The following CNTN5 variants were observed in gnomAD, a reference collection of about 807,000 sequenced individuals.
The protein encoded by CNTN5 is contactin-5.
Under a neutral mutation model 129.1 loss-of-function variants are expected in CNTN5, and 77 were observed. The ratio of observed to expected loss-of-function variants is 0.60; its 90% CI spans 0.50 to 0.72. The LOEUF (loss-of-function observed/expected upper bound fraction) is 0.72, where lower values mean the gene tolerates loss of function less well. Ranked by LOEUF, CNTN5 falls within the 30% of genes least tolerant of loss-of-function variation. The pLI is 0.00. For synonymous variants in CNTN5, 509 were observed against 465.6 expected, an observed-to-expected ratio of 1.09 and a Z score of -1.20; for missense variants, 1,478 against 1,328.8, an observed-to-expected ratio of 1.11 and a Z score of -1.75.
At chr11:99,795,654 CT>C (rs888745551) in intron 3 of CNTN5, among the ~76,000 whole-genome samples, 2 of 144,072 alleles carry the variant, frequency 1.4e-5, no homozygotes, top group South Asian at 4.5e-4. Flanking sequence ...CCCTTTGGAT[CT>C]TTTTTTAAAA....
rs533093979 is a variant in CNTN5 at position 99,871,150 on chromosome 11, G to A, written c.577+25888G>A. Among the ~76,000 whole-genome samples the A allele has an allele frequency of 2.6e-5, 4 of 152,114 alleles. No homozygotes were observed. In the South Asian group the frequency reaches 8.3e-4, roughly 31 times the overall value. ...TATTACTATTGTTGATCCCCTGAGA[G>A]TAGAACTAAGGGAAATATAATCACT... On this transcript the variant is annotated intron_variant, in intron 6 of 24. Transcript: ENST00000524871.
chr11:99,763,049 T>C (rs937094339), intron 3 of CNTN5, among the ~76,000 whole-genome samples: 2 of 152,150 alleles, frequency 1.3e-5, no homozygotes, highest in African/African-American at 4.8e-5. Flanking sequence ...TTGATCCATG[T>C]ATCACTGCTA....
intron 1 of CNTN5, among the ~76,000 whole-genome samples, chr11:99,050,984 CATA>C (rs1210902615): frequency 2.0e-5 from 3 of 151,832 alleles, no homozygotes; most frequent in Non-Finnish European, 4.4e-5. Context: ...TTAATATCAT[CATA>C]AGCATACATG....
chr11:99,782,857 C>A (rs953184503), intron 3 of CNTN5, among the ~76,000 whole-genome samples: 1 of 151,786 alleles, frequency 6.6e-6, no homozygotes, highest in Non-Finnish European at 1.5e-5. Flanking sequence ...AAACGTTAGA[C>A]CTAAAACCAC....
intron 1 of CNTN5, among the ~76,000 whole-genome samples, chr11:99,183,554 T>A (rs940590904): frequency 1.3e-5 from 2 of 152,124 alleles, no homozygotes; most frequent in African/African-American, 4.8e-5. Flanking sequence ...GTTTCTCTGG[T>A]GTTTCTCTTA....
At chr11:99,196,859 G>A (rs79246532) in intron 1 of CNTN5, among the ~76,000 whole-genome samples, 3,944 of 151,988 alleles carry the variant, frequency 0.026, 84 homozygotes, top group South Asian at 0.043. Flanking sequence ...GGAGGAGTAT[G>A]TCCTTGGAAT....
intron 3 of CNTN5, among the ~76,000 whole-genome samples, chr11:99,744,543 TA>T (rs553540845): frequency 0.089 from 3,338 of 37,368 alleles, 145 homozygotes; most frequent in Non-Finnish European, 0.12. Flanking sequence ...TACAAAAAGT[TA>T]AAAAAAAAAA....
chr11:100,032,645 G>A (rs186007609), intron 9 of CNTN5, among the ~76,000 whole-genome samples: 9 of 152,100 alleles, frequency 5.9e-5, no homozygotes, highest in Admixed American at 2.0e-4. Flanking sequence ...TTATGCAATC[G>A]TTGATGATAT....
intron 3 of CNTN5, among the ~76,000 whole-genome samples, chr11:99,733,219 A>G (rs1320357643): frequency 1.3e-5 from 2 of 150,528 alleles, no homozygotes; most frequent in African/African-American, 2.4e-5. Flanking sequence ...TCTACTTGGG[A>G]GGCTGAGGCA....
chr11:99,545,495 G>A (rs1039444877), intron 2 of CNTN5, among the ~76,000 whole-genome samples: 2 of 152,232 alleles, frequency 1.3e-5, no homozygotes, highest in East Asian at 3.9e-4. Flanking sequence ...AATTAAAAGA[G>A]AATTTAAATA....
intron 13 of CNTN5, among the ~76,000 whole-genome samples, chr11:100,185,383 G>C (rs1948268822): frequency 6.6e-6 from 1 of 151,984 alleles, no homozygotes; most frequent in Non-Finnish European, 1.5e-5. Context: ...CCACCCTTCA[G>C]TACTCTGCAG....
intron 13 of CNTN5, among the ~76,000 whole-genome samples, chr11:100,134,833 CTG>C: frequency 1.3e-5 from 2 of 152,230 alleles, no homozygotes; most frequent in Middle Eastern, 3.4e-3. Flanking sequence ...GTGAGTTGCC[CTG>C]TCTCTGTATT....
chr11:100,324,148 T>C (rs1293135314), intron 21 of CNTN5, among the ~76,000 whole-genome samples: 1 of 152,122 alleles, frequency 6.6e-6, no homozygotes, highest in Non-Finnish European at 1.5e-5. Context: ...GGAGTATAGA[T>C]TCAAGTTGCC....
At chr11:99,116,270 T>C (rs997724644) in intron 1 of CNTN5, among the ~76,000 whole-genome samples, 1 of 152,220 alleles carries the variant, frequency 6.6e-6, no homozygotes, top group African/African-American at 2.4e-5. Flanking sequence ...TCCACAATAA[T>C]ATTTTATATC....
At chr11:99,213,611 T>C (rs1859956719) in intron 1 of CNTN5, among the ~76,000 whole-genome samples, 1 of 151,714 alleles carries the variant, frequency 6.6e-6, no homozygotes, top group Non-Finnish European at 1.5e-5. Context: ...ATGTAATAAA[T>C]TGCTAAATTT....
chr11:99,671,615 T>G (rs984980918), intron 3 of CNTN5, among the ~76,000 whole-genome samples: 7 of 152,152 alleles, frequency 4.6e-5, no homozygotes, highest in African/African-American at 1.7e-4. Flanking sequence ...TGAGGCACAT[T>G]ATCGAATTTT....
intron 6 of CNTN5, among the ~76,000 whole-genome samples, chr11:99,909,077 T>A (rs1346794161): frequency 6.6e-6 from 1 of 152,128 alleles, no homozygotes; most frequent in East Asian, 1.9e-4. Flanking sequence ...TCAATTCTTA[T>A]CTTCATATAA....
At chr11:99,197,457 C>T (rs897356678) in intron 1 of CNTN5, among the ~76,000 whole-genome samples, 1 of 152,062 alleles carries the variant, frequency 6.6e-6, no homozygotes, top group Non-Finnish European at 1.5e-5. Context: ...AGAAAGTCCA[C>T]ATTATAGAAA....
chr11:99,224,866 C>T lies in CNTN5; in HGVS notation c.-209-100480C>T, dbSNP rs189504599. ...CCCATCCCTTGGGTCTGGGATGATT[C>T]CCATGTATTTATTTTGAAAAACTGG... is the stretch of plus-strand genomic sequence containing the variant. On this transcript the variant is annotated intron_variant, in intron 1 of 24. Coordinates refer to ENST00000524871, the MANE Select transcript of CNTN5 (RefSeq NM_014361.4). 2.8e-4 allele frequency among the ~76,000 whole-genome samples: 42 copies of T among 151,840 alleles called. No homozygotes were observed. The East Asian group carries it at 5.8e-3, about 21-fold the overall frequency.
Sources: allele counts gnomAD v4.1 joint callset (sites outside exome capture counted in the v4.1 genomes callset), GRCh38; gene constraint gnomAD v4.1.1; transcripts MANE v1.5; gene names NCBI Gene and HGNC (gene_info 2026-07-23, HGNC 2026-07-21).